The following SPG7 variants were observed in gnomAD, a reference collection of about 807,000 sequenced individuals.
SPG7 encodes mitochondrial inner membrane m-AAA protease component paraplegin.
A neutral mutation model predicts 81.9 loss-of-function variants in SPG7; 103 were observed. The observed-to-expected ratio is 1.26, with a 90% CI of 1.07 to 1.48. SPG7 has a LOEUF of 1.48. Ranked by LOEUF, SPG7 falls within the 40% of genes most tolerant of loss-of-function variation. The probability of loss-of-function intolerance (pLI) is 0.00; values close to 1 mark genes in which losing one functional copy is unlikely to be tolerated. For missense variants in SPG7, 1,241 were observed against 1,087.3 expected, an observed-to-expected ratio of 1.14 and a Z score of -1.99; for synonymous variants, 534 against 444.2, an observed-to-expected ratio of 1.20 and a Z score of -2.54.
chr16:89,531,666 A>T, intron 7 of SPG7: 1 of 546,240 alleles, frequency 1.8e-6, no homozygotes, highest in Non-Finnish European at 3.3e-6. Flanking sequence ...GAGCCACCGC[A>T]CCTGGCCTGC....
intron 3 of SPG7, among the ~76,000 whole-genome samples, chr16:89,515,530 G>A (rs1468515882): frequency 6.7e-6 from 1 of 150,278 alleles, no homozygotes; most frequent in Non-Finnish European, 1.5e-5. Context: ...GCCTCCCAAA[G>A]TGCTGGGATT....
chr16:89,544,581 C>A, intron 9 of SPG7, 67 bp from the exon 10 acceptor site: 1 of 1,595,682 alleles, frequency 6.3e-7, no homozygotes, highest in Non-Finnish European at 8.6e-7. Flanking sequence ...TGAAGGGGAA[C>A]CTGCAGGGGA....
intron 16 of SPG7, 195 bp downstream of exon 16, chr16:89,554,758 C>T (rs1439485507): frequency 3.4e-6 from 2 of 588,700 alleles, no homozygotes; most frequent in East Asian, 5.9e-5. Flanking sequence ...AAGTGTGTTC[C>T]CCCGAGGTAG....
At chr16:89,553,655 G>A in intron 14 of SPG7, 139 bp from the exon 15 acceptor site, 1 of 777,686 alleles carries the variant, frequency 1.3e-6, no homozygotes, top group East Asian at 2.6e-5. Flanking sequence ...CGTCCTCACT[G>A]TCCAGCTTCA....
chr16:89,511,560 G>A (rs1288182967), intron 2 of SPG7, among the ~76,000 whole-genome samples: 1 of 152,198 alleles, frequency 6.6e-6, no homozygotes, highest in African/African-American at 2.4e-5. Flanking sequence ...AGTGTTTAAC[G>A]TCAGCTCACG....
chr16:89,553,243 G>C (rs1369224511), intron 14 of SPG7, 108 bp downstream of exon 14: 18 of 1,121,024 alleles, frequency 1.6e-5, no homozygotes, highest in Middle Eastern at 1.9e-4. Flanking sequence ...ACGTAGCTTT[G>C]AATTTATTAA....
rs774506412 is a variant in SPG7, at chr16:89,546,694, C to G, written c.1486C>G (p.Leu496Val). 17 of 1,613,694 alleles carry G rather than the reference C, an allele frequency of 1.1e-5. No homozygotes were observed. The highest frequency in any genetic ancestry group is 1.4e-5 in the Non-Finnish European group (16 of 1,179,780). Reference protein sequence around the residue: ...REIFEQHLKSLKLTQSSTFYS... With the variant: ...REIFEQHLKSVKLTQSSTFYS... ...GATTTTTGAGCAGCACCTGAAGAGC[C>G]TGAAGCTGACCCAGTCCAGCACCTT... The change falls in exon 11 of 17, where the codon CTG becomes GTG. Residue 496 changes from leucine to valine, a missense_variant. Leu to Val is a conservative substitution (Grantham distance 32). Transcript: ENST00000645818.
At chr16:89,543,290 G>C (rs2058521994) in intron 9 of SPG7, 1 of 147,992 alleles carries the variant, frequency 6.8e-6, no homozygotes, top group Non-Finnish European at 1.5e-5. Flanking sequence ...TCTTACATTA[G>C]TCAAGGTAGG....
chr16:89,508,974 C>T (rs2057973892), intron 1 of SPG7: 1 of 487,162 alleles, frequency 2.1e-6, no homozygotes. Flanking sequence ...CCAGGAATTC[C>T]AGCGCCTTCC....
intron 5 of SPG7, 194 bp from the exon 6 acceptor site, chr16:89,529,283 A>G (rs981192752): frequency 4.8e-6 from 3 of 625,922 alleles, no homozygotes; most frequent in African/African-American, 1.8e-5. Flanking sequence ...GGAAGCTTTC[A>G]TGAAAAAGCA....
chr16:89,537,812 T>C (rs776347347), intron 9 of SPG7: 232 of 978,456 alleles, frequency 2.4e-4, no homozygotes, highest in Non-Finnish European at 2.8e-4. Flanking sequence ...GTCCTGGTCC[T>C]GGTCCCAGTG....
At chr16:89,530,847 G>C (rs375061324) in intron 7 of SPG7, 39 bp downstream of exon 7, 18 of 1,612,812 alleles carry the variant, frequency 1.1e-5, no homozygotes, top group Middle Eastern at 1.9e-4. Context: ...TGTGAGCAGA[G>C]GCCGGCCGTC....
intron 3 of SPG7, among the ~76,000 whole-genome samples, chr16:89,516,504 T>C (rs144803869): frequency 6.2e-4 from 94 of 152,174 alleles, no homozygotes; most frequent in Middle Eastern, 3.4e-3. Context: ...GGAGCTGAGA[T>C]TGTGCCATTG....
rs1006180710 is a variant in SPG7 at position 89,524,154 on chromosome 16, G to C, written c.525G>C (p.Leu175=). Residue 175 remains leucine, a synonymous_variant, in exon 4 of 17, where the codon CTG becomes CTC. Coordinates refer to ENST00000645818, the MANE Select transcript of SPG7 (RefSeq NM_003119.4). ...ISWNDFVHEM[L]AKGEVQRVQV... ...GGAACGACTTTGTCCACGAGATGCTGGCCAAGGGCGAGGTGCAGCGCGTCC... is the reference window on the plus strand; with the variant it reads ...GGAACGACTTTGTCCACGAGATGCTCGCCAAGGGCGAGGTGCAGCGCGTCC... The C allele has an allele frequency of 6.2e-7, 1 of 1,614,130 alleles. No homozygotes were observed.
At chr16:89,516,207 C>CA (rs1359732258) in intron 3 of SPG7, among the ~76,000 whole-genome samples, 1 of 151,918 alleles carries the variant, frequency 6.6e-6, no homozygotes, top group Non-Finnish European at 1.5e-5. Flanking sequence ...AGGCTAGTCT[C>CA]AAACTTCTCA....
chr16:89,508,391 T>C, upstream of SPG7: 2 of 1,461,656 alleles, frequency 1.4e-6, no homozygotes, highest in Non-Finnish European at 1.8e-6. Context: ...GCCCCGCGGA[T>C]CACGCAGGCG....
At chr16:89,519,277 C>T (rs1221989870) in intron 3 of SPG7, 1 of 152,168 alleles carries the variant, frequency 6.6e-6, no homozygotes, top group African/African-American at 2.4e-5. Flanking sequence ...AGCCACTGCG[C>T]CCAGCCTGCT....
chr16:89,517,699 A>G (rs1319119012), intron 3 of SPG7: 1 of 147,810 alleles, frequency 6.8e-6, no homozygotes, highest in Admixed American at 6.9e-5. Context: ...GGCTCATTGC[A>G]AACTCCACCT....
chr16:89,556,736 C>CTGCCTCCG (rs2058690602), intron 16 of SPG7, 151 bp from the exon 17 acceptor site: 2 of 711,972 alleles, frequency 2.8e-6, no homozygotes, highest in South Asian at 1.5e-5. Context: ...TCTTTCGGAG[C>CTGCCTCCG]TGCCTCCGTG....
Sources: gnomAD v4.1 joint callset for allele counts (sites outside exome capture counted in the v4.1 genomes callset) on GRCh38, gnomAD v4.1.1 for gene constraint, MANE v1.5 for transcripts, NCBI Gene and HGNC (gene_info 2026-07-23, HGNC 2026-07-21) for gene names.